The following FANCB variants were observed in gnomAD, a reference collection of about 807,000 sequenced individuals.
FANCB encodes Fanconi anemia group B protein.
In FANCB, 5 loss-of-function variants were observed where a neutral mutation model predicts 38.9. The observed-to-expected ratio is 0.13, with a 90% confidence interval of 0.07 to 0.27. FANCB has a LOEUF of 0.27. Ranked by LOEUF, FANCB falls within the 10% of genes least tolerant of loss-of-function variation. FANCB has a pLI of 1.00. For synonymous variants in FANCB, 236 were observed against 215.4 expected, an observed-to-expected ratio of 1.10 and a Z score of -0.84; for missense variants, 573 against 602.7, an observed-to-expected ratio of 0.95 and a Z score of 0.52.
downstream of FANCB, among the ~76,000 whole-genome samples, chrX:14,840,068 T>C (rs923002448): frequency 2.6e-4 from 29 of 111,980 alleles, no homozygotes; most frequent in African/African-American, 7.8e-4. Context: ...TTGGCCAGGC[T>C]GGTCTCGAAC....
the FANCB span, among the ~76,000 whole-genome samples, chrX:14,755,628 A>C: frequency 8.9e-6 from 1 of 111,791 alleles, no homozygotes; most frequent in East Asian, 2.8e-4. Context: ...AAACTATAAA[A>C]TATTGATGAA....
At chrX:14,698,092 G>T in the FANCB span, among the ~76,000 whole-genome samples, 64 of 111,865 alleles carry the variant, frequency 5.7e-4, no homozygotes, top group African/African-American at 1.8e-3. Flanking sequence ...GGTGAGGCAA[G>T]GTGAAGCAAA....
At chrX:14,784,143 G>A in the FANCB span, among the ~76,000 whole-genome samples, 1 of 112,495 alleles carries the variant, frequency 8.9e-6, no homozygotes, top group Non-Finnish European at 1.9e-5. Flanking sequence ...CTGGAAGGCG[G>A]AGGTTGCGGT....
chrX:14,782,041 G>A, the FANCB span, among the ~76,000 whole-genome samples: 1 of 112,192 alleles, frequency 8.9e-6, no homozygotes, highest in Non-Finnish European at 1.9e-5. Flanking sequence ...AAGTGTAGGT[G>A]AGTCTGTAGC....
At chrX:14,782,797 C>G in the FANCB span, among the ~76,000 whole-genome samples, 3 of 111,732 alleles carry the variant, frequency 2.7e-5, no homozygotes, top group South Asian at 1.1e-3. Flanking sequence ...TGCATACAGA[C>G]CACCTTGGGC....
the FANCB span, among the ~76,000 whole-genome samples, chrX:14,718,626 G>A: frequency 8.9e-6 from 1 of 111,874 alleles, no homozygotes; most frequent in African/African-American, 3.3e-5. Flanking sequence ...TCAGTCATCT[G>A]TAGACTTGTT....
chrX:14,737,129 C>A, the FANCB span, among the ~76,000 whole-genome samples: 1 of 111,433 alleles, frequency 9.0e-6, no homozygotes, highest in East Asian at 2.8e-4. Flanking sequence ...TGCACTCCAG[C>A]CTGGCAACAG....
chrX:14,746,299 GCCT>G, the FANCB span, among the ~76,000 whole-genome samples: 1 of 112,040 alleles, frequency 8.9e-6, no homozygotes, highest in Non-Finnish European at 1.9e-5. Flanking sequence ...GAAGTCACAT[GCCT>G]GTTTTAGGAT....
At chrX:14,825,571 ATCCTT>A in the FANCB span, among the ~76,000 whole-genome samples, 34 of 111,955 alleles carry the variant, frequency 3.0e-4, 1 homozygote, top group Non-Finnish European at 3.6e-4. Flanking sequence ...TCAATTTTCC[ATCCTT>A]TCATCTTTTG....
chrX:14,691,867 TAGAG>T, the FANCB span, among the ~76,000 whole-genome samples: 1 of 112,200 alleles, frequency 8.9e-6, no homozygotes, highest in Non-Finnish European at 1.9e-5. Context: ...TTATGTACAG[TAGAG>T]AGAGAAAGAT....
At chrX:14,815,593 T>C in the FANCB span, among the ~76,000 whole-genome samples, 3 of 112,251 alleles carry the variant, frequency 2.7e-5, no homozygotes, top group African/African-American at 9.7e-5. Context: ...ACAACCTCTA[T>C]GGAAAACAGT....
At chrX:14,788,396 G>A in the FANCB span, among the ~76,000 whole-genome samples, 3 of 111,299 alleles carry the variant, frequency 2.7e-5, no homozygotes, top group Non-Finnish European at 5.7e-5. Context: ...TATCTCTGAG[G>A]GATACAACGA....
intron 6 of FANCB, among the ~76,000 whole-genome samples, chrX:14,852,413 C>T (rs928989420): frequency 7.2e-5 from 8 of 110,522 alleles, no homozygotes; most frequent in Admixed American, 2.9e-4. Flanking sequence ...GTGATCCGCC[C>T]GTCTCGGCCT....
chrX:14,714,517 TC>T, the FANCB span, among the ~76,000 whole-genome samples: 1 of 111,761 alleles, frequency 8.9e-6, no homozygotes, highest in African/African-American at 3.3e-5. Context: ...CCAACTCAAC[TC>T]CCTATGCCGC....
the FANCB span, among the ~76,000 whole-genome samples, chrX:14,824,283 C>T: frequency 2.0e-4 from 22 of 111,451 alleles, no homozygotes; most frequent in African/African-American, 5.9e-4. Context: ...TCTTGGGGTA[C>T]GCTTAACTTA....
chrX:14,726,832 C>T, the FANCB span, among the ~76,000 whole-genome samples: 2 of 112,395 alleles, frequency 1.8e-5, no homozygotes, highest in East Asian at 5.6e-4. Flanking sequence ...AAATAGTTTA[C>T]TACCTACATA....
the FANCB span, among the ~76,000 whole-genome samples, chrX:14,698,681 CAAAAAAAAAA>C: frequency 1.4e-4 from 3 of 21,124 alleles, no homozygotes; most frequent in African/African-American, 1.8e-4. Context: ...CTATCTATCT[CAAAAAAAAAA>C]AAAAAAAAAA....
chrX:14,823,382 AC>A, the FANCB span, among the ~76,000 whole-genome samples: 1 of 111,160 alleles, frequency 9.0e-6, no homozygotes, highest in Non-Finnish European at 1.9e-5. Flanking sequence ...GTGCCCAGCT[AC>A]CCTTTTACTT....
At chrX:14,834,797 A>G (rs188174623), downstream of FANCB, 74 of 567,890 alleles carry the variant, frequency 1.3e-4, no homozygotes, top group African/African-American at 1.4e-3. Context: ...CTTTTTCTTC[A>G]GTTTCCTCAT....
Sources: allele counts gnomAD v4.1 joint callset (sites outside exome capture counted in the v4.1 genomes callset), GRCh38; gene constraint gnomAD v4.1.1; transcripts MANE v1.5; gene names NCBI Gene and HGNC (gene_info 2026-07-23, HGNC 2026-07-21).